Variants in FAM177A1 observed in about 807,000 individuals in gnomAD.
The protein encoded by FAM177A1 is family with sequence similarity 177 member A1.
In FAM177A1, 22 loss-of-function variants were observed where a neutral mutation model predicts 26.1. That is an observed-to-expected ratio of 0.84 (90% CI 0.60 to 1.20). The LOEUF (loss-of-function observed/expected upper bound fraction) is 1.20. FAM177A1 is among the 50% of genes most tolerant of loss of function. The probability of loss-of-function intolerance (pLI) is 0.00; values close to 1 mark genes in which losing one functional copy is unlikely to be tolerated. For missense variants in FAM177A1, 296 were observed against 291.1 expected (o/e 1.02, Z -0.12); for synonymous variants, 95 against 99.3 (o/e 0.96, Z 0.26).
intron 2 of FAM177A1, among the ~76,000 whole-genome samples, chr14:35,071,728 A>G (rs1277892759): frequency 6.6e-6 from 1 of 152,200 alleles, no homozygotes; most frequent in South Asian, 2.1e-4. Context: ...CTCGCCAGAA[A>G]CAACCCCAGG....
chr14:35,070,412 C>G (rs2045304412), intron 2 of FAM177A1, among the ~76,000 whole-genome samples: 1 of 151,928 alleles, frequency 6.6e-6, no homozygotes, highest in Admixed American at 6.6e-5. Flanking sequence ...TCGCTGCAAC[C>G]TCAGCCTCCC....
chr14:35,059,082 C>T (rs922916361), intron 2 of FAM177A1, among the ~76,000 whole-genome samples: 1 of 151,904 alleles, frequency 6.6e-6, no homozygotes, highest in Non-Finnish European at 1.5e-5. Flanking sequence ...ATTACAGGTG[C>T]GTGCCACCAC....
At chr14:35,072,861 C>CT (rs2045343958) in intron 2 of FAM177A1, among the ~76,000 whole-genome samples, 1 of 152,128 alleles carries the variant, frequency 6.6e-6, no homozygotes, top group Admixed American at 6.6e-5. Flanking sequence ...CCCCCCTTTC[C>CT]TTTCATATCT....
intron 1 of FAM177A1, among the ~76,000 whole-genome samples, chr14:35,047,695 G>A (rs1390572862): frequency 6.6e-6 from 1 of 152,094 alleles, no homozygotes; most frequent in African/African-American, 2.4e-5. Flanking sequence ...GTTGCAGTGA[G>A]CCGAGATCAC....
At chr14:35,073,924 T>C (rs756258263) in intron 2 of FAM177A1, among the ~76,000 whole-genome samples, 12 of 152,320 alleles carry the variant, frequency 7.9e-5, no homozygotes, top group Middle Eastern at 3.4e-3. Flanking sequence ...AGATATCCTT[T>C]CTTCTCAATG....
chr14:35,047,109 C>G (rs1039406259), intron 1 of FAM177A1: 1 of 653,240 alleles, frequency 1.5e-6, no homozygotes, highest in Admixed American at 6.3e-5. Context: ...CATTTCACCG[C>G]CGAGGCAACT....
At chr14:35,067,188 A>G (rs1357972100) in intron 2 of FAM177A1, among the ~76,000 whole-genome samples, 1 of 151,958 alleles carries the variant, frequency 6.6e-6, no homozygotes, top group African/African-American at 2.4e-5. Flanking sequence ...ACATCTCCCC[A>G]TTTCCCCTTA....
chr14:35,060,414 A>AT (rs1303326345), intron 2 of FAM177A1, among the ~76,000 whole-genome samples: 5 of 150,536 alleles, frequency 3.3e-5, no homozygotes, highest in African/African-American at 4.9e-5. Flanking sequence ...AGCTATTTGA[A>AT]TTTTTTTTTC....
chr14:35,047,641 C>T (rs1335184893), intron 1 of FAM177A1, among the ~76,000 whole-genome samples: 1 of 152,066 alleles, frequency 6.6e-6, no homozygotes, highest in Non-Finnish European at 1.5e-5. Flanking sequence ...CCCAGCTACT[C>T]GGGAGGCTGA....
chr14:35,053,507 T>C, intron 2 of FAM177A1, 56 bp downstream of exon 2: 4 of 1,576,936 alleles, frequency 2.5e-6, no homozygotes, highest in Non-Finnish European at 3.5e-6. Context: ...ATTTATTTTT[T>C]TTCCCTAAAC....
intron 1 of FAM177A1, among the ~76,000 whole-genome samples, chr14:35,049,348 T>G (rs2044926866): frequency 6.6e-6 from 1 of 152,222 alleles, no homozygotes; most frequent in Admixed American, 6.5e-5. Flanking sequence ...CCAGGAACTC[T>G]AGGCTGAAAG....
chr14:35,053,501 AT>A (rs747510001), intron 2 of FAM177A1, 50 bp downstream of exon 2: 36 of 1,581,122 alleles, frequency 2.3e-5, no homozygotes, highest in South Asian at 4.6e-5. Context: ...GTTTTGATTT[AT>A]TTTTTTTCCC....
intron 2 of FAM177A1, among the ~76,000 whole-genome samples, chr14:35,067,093 A>G (rs2045251964): frequency 6.6e-6 from 1 of 152,112 alleles, no homozygotes; most frequent in Admixed American, 6.6e-5. Context: ...TGCCCAGCCC[A>G]ATTTTCTGTT....
In FAM177A1 at chr14:35,054,520, A is replaced by G. The variant is rs901347404; in HGVS notation, c.339+1069A>G. The G allele has an allele frequency of 1.1e-4, 16 of 152,292 alleles. No homozygotes were observed. In the East Asian group the frequency reaches 3.1e-3, roughly 29 times the overall value. 9.4% of individuals were successfully genotyped at this position (152,292 alleles called of 1,614,324 possible). A position where few individuals can be genotyped will look rare whatever the true frequency, so the allele number is the denominator to read the frequency against. On this transcript the variant is annotated intron_variant, in intron 2 of 4. Transcript: ENST00000280987. ...GTGATATAAATTTCTGCTCTCATAT[A>G]CTAGTGAGAAGACAGGCAATAAATA...
At chr14:35,066,637 T>C (rs2045245479) in intron 2 of FAM177A1, among the ~76,000 whole-genome samples, 1 of 151,764 alleles carries the variant, frequency 6.6e-6, no homozygotes, top group Admixed American at 6.6e-5. Flanking sequence ...ACTCCTGACC[T>C]CAAGTGATCT....
chr14:35,074,979 T>A lies in FAM177A1; in HGVS notation c.340-2171T>A, dbSNP rs539521717. On this transcript the variant is annotated intron_variant, in intron 2 of 4. Coordinates refer to ENST00000280987, the MANE Select transcript of FAM177A1 (RefSeq NM_173607.5). ...TTGAACCCAGGAGGCAGAGGTTGCA[T>A]TGAGCTGAGATTGTGCCACTGCGTT... Among the ~76,000 whole-genome samples, 30 of 152,172 alleles carry A rather than the reference T, an allele frequency of 2.0e-4. No homozygotes were observed. The South Asian group carries it at 5.4e-3, about 27-fold the overall frequency.
At chr14:35,054,467 A>T (rs983526328) in intron 2 of FAM177A1, among the ~76,000 whole-genome samples, 3 of 152,182 alleles carry the variant, frequency 2.0e-5, no homozygotes, top group Non-Finnish European at 4.4e-5. Flanking sequence ...AACAGGTACT[A>T]TTTTAGGTGC....
intron 2 of FAM177A1, among the ~76,000 whole-genome samples, chr14:35,071,549 C>CT (rs914423584): frequency 2.0e-5 from 3 of 151,606 alleles, no homozygotes; most frequent in Admixed American, 6.6e-5. Flanking sequence ...CTAGCTACTT[C>CT]TTTTTTTTGA....
intron 2 of FAM177A1, among the ~76,000 whole-genome samples, chr14:35,054,215 A>AAAAAC (rs942616033): frequency 5.3e-5 from 8 of 152,256 alleles, no homozygotes; most frequent in African/African-American, 9.6e-5. Context: ...ACTCCATCTC[A>AAAAAC]AAAACAAAAC....
Sources: gnomAD v4.1 joint callset for allele counts (sites outside exome capture counted in the v4.1 genomes callset) on GRCh38, gnomAD v4.1.1 for gene constraint, MANE v1.5 for transcripts, NCBI Gene and HGNC (gene_info 2026-07-23, HGNC 2026-07-21) for gene names.